The following MLLT10 variants were observed in gnomAD, a reference collection of about 807,000 sequenced individuals.
MLLT10 encodes MLLT10 histone lysine methyltransferase DOT1L cofactor, also known as protein AF-10.
Under a neutral mutation model 129.1 loss-of-function variants are expected in MLLT10, and 30 were observed. The ratio of observed to expected loss-of-function variants is 0.23; its 90% CI spans 0.17 to 0.32. The LOEUF is 0.32. Among genes scored for constraint, MLLT10 ranks in the 10% least tolerant of loss-of-function variants. The pLI is 1.00. For synonymous variants in MLLT10, 490 were observed against 446.4 expected, an observed-to-expected ratio of 1.10 and a Z score of -1.23; for missense variants, 1,119 against 1,268.3, an observed-to-expected ratio of 0.88 and a Z score of 1.79.
intron 21 of MLLT10, among the ~76,000 whole-genome samples, chr10:21,737,283 G>A (rs1025129857): frequency 1.3e-5 from 2 of 152,166 alleles, no homozygotes; most frequent in Admixed American, 6.5e-5. Flanking sequence ...AAGGAAATGG[G>A]AGGGAGAGGA....
chr10:21,685,120 T>A (rs2053170994), intron 13 of MLLT10, among the ~76,000 whole-genome samples: 1 of 152,194 alleles, frequency 6.6e-6, no homozygotes, highest in Non-Finnish European at 1.5e-5. Context: ...TTTTTTTGTT[T>A]TTGTGAAATA....
At chr10:21,617,305 A>G (rs1172969896) in intron 8 of MLLT10, 98 bp downstream of exon 8, 1 of 461,372 alleles carries the variant, frequency 2.2e-6, no homozygotes. Flanking sequence ...AGTTAAATGG[A>G]GACATTGAAA....
intron 21 of MLLT10, among the ~76,000 whole-genome samples, chr10:21,738,061 A>T (rs977117487): frequency 2.2e-4 from 33 of 152,098 alleles, no homozygotes; most frequent in African/African-American, 7.2e-4. Flanking sequence ...CGAGGTCAGG[A>T]GTTCGGGACA....
intron 20 of MLLT10, among the ~76,000 whole-genome samples, chr10:21,734,397 ATTTC>A: frequency 6.6e-6 from 1 of 152,230 alleles, no homozygotes; most frequent in Non-Finnish European, 1.5e-5. Flanking sequence ...AGTTTTTCTT[ATTTC>A]TTTGTATACT....
At chr10:21,544,798 T>C (rs1056971543) in intron 3 of MLLT10, among the ~76,000 whole-genome samples, 1 of 152,152 alleles carries the variant, frequency 6.6e-6, no homozygotes, top group African/African-American at 2.4e-5. Context: ...GGAGAGCAAG[T>C]GAAGACTAAA....
intron 5 of MLLT10, among the ~76,000 whole-genome samples, chr10:21,598,561 A>C (rs527650760): frequency 1.8e-4 from 27 of 152,246 alleles, no homozygotes; most frequent in Admixed American, 3.3e-4. Flanking sequence ...TATTTCTATA[A>C]ATTCACATCT....
rs1193208027 is a variant in MLLT10 at position 21,590,784 on chromosome 10, C to T, written c.295+4436C>T. On this transcript the variant is annotated intron_variant, in intron 4 of 22. Transcript: ENST00000307729. ...TTTGACCAGTCCAAATAGAATTGTT[C>T]AGTTTTATTGACCTTTTTAAAGAAA... 4.6e-5 allele frequency among the ~76,000 whole-genome samples: 7 copies of T among 151,830 alleles called. No individual in the cohort carries two copies. The East Asian group carries it at 1.2e-3, about 25-fold the overall frequency.
In MLLT10 at chr10:21,679,784, A is replaced by T. The variant is rs186270880; in HGVS notation, c.1622-1548A>T. Among the ~76,000 whole-genome samples, 24 of 152,322 alleles carry T rather than the reference A, an allele frequency of 1.6e-4. No individual in the cohort carries two copies. The East Asian group carries it at 4.2e-3, about 27-fold the overall frequency. ...AATACTTGCATTATATATACTTACCAGGTGAGCATCACTAATCTGAAAATC... is the reference window on the plus strand; with the variant it reads ...AATACTTGCATTATATATACTTACCTGGTGAGCATCACTAATCTGAAAATC... On this transcript the variant is annotated intron_variant, in intron 11 of 22. Transcript: ENST00000307729.
chr10:21,562,912 T>C (rs2039046768), intron 3 of MLLT10, among the ~76,000 whole-genome samples: 1 of 142,852 alleles, frequency 7.0e-6, no homozygotes, highest in Non-Finnish European at 1.5e-5. Context: ...CTCCGCCTCC[T>C]GGGTTCAAGG....
At chr10:21,729,168 G>A (rs1255417078) in intron 16 of MLLT10, among the ~76,000 whole-genome samples, 1 of 152,076 alleles carries the variant, frequency 6.6e-6, no homozygotes, top group East Asian at 1.9e-4. Flanking sequence ...TGACTAGTCT[G>A]TGATTTTATG....
At chr10:21,576,186 T>TGTAAC (rs1013631567) in intron 3 of MLLT10, among the ~76,000 whole-genome samples, 4 of 151,752 alleles carry the variant, frequency 2.6e-5, no homozygotes, top group African/African-American at 9.7e-5. Flanking sequence ...CGCCTTGGCA[T>TGTAAC]CCCAAAGTGC....
chr10:21,688,821 T>A (rs1272053313), intron 13 of MLLT10, among the ~76,000 whole-genome samples: 1 of 152,116 alleles, frequency 6.6e-6, no homozygotes, highest in African/African-American at 2.4e-5. Context: ...TAGGTCTGAT[T>A]TTGTGAAGAC....
At chr10:21,564,306 G>A (rs1346471148) in intron 3 of MLLT10, among the ~76,000 whole-genome samples, 5 of 152,094 alleles carry the variant, frequency 3.3e-5, no homozygotes, top group African/African-American at 1.2e-4. Flanking sequence ...GCTCAGGCTG[G>A]TTTTGAACTT....
chr10:21,552,037 CCACCTCAACCTCT>C (rs1162423644), intron 3 of MLLT10: 4 of 229,928 alleles, frequency 1.7e-5, no homozygotes, highest in Non-Finnish European at 3.5e-5. Flanking sequence ...GGTCATCCTC[CCACCTCAACCTCT>C]CAGGTAGCTG....
chr10:21,560,815 A>G (rs1263637880), intron 3 of MLLT10, among the ~76,000 whole-genome samples: 1 of 152,038 alleles, frequency 6.6e-6, no homozygotes, highest in Non-Finnish European at 1.5e-5. Flanking sequence ...TTTGATTTGC[A>G]TTTTCCCAGT....
intron 14 of MLLT10, among the ~76,000 whole-genome samples, chr10:21,725,861 C>T (rs1490912425): frequency 6.6e-6 from 1 of 151,536 alleles, no homozygotes; most frequent in Non-Finnish European, 1.5e-5. Flanking sequence ...CGCCATTCTC[C>T]TGCCTCAGCC....
At chr10:21,591,534 A>G (rs1475376351) in intron 4 of MLLT10, among the ~76,000 whole-genome samples, 3 of 152,108 alleles carry the variant, frequency 2.0e-5, no homozygotes, top group Non-Finnish European at 4.4e-5. Context: ...GCTGTATTTT[A>G]ATCAGTTTAA....
At chr10:21,645,751 C>T (rs1421654943) in intron 8 of MLLT10, among the ~76,000 whole-genome samples, 1 of 152,186 alleles carries the variant, frequency 6.6e-6, no homozygotes, top group Non-Finnish European at 1.5e-5. Flanking sequence ...AGATTACATA[C>T]GTACTCTTCA....
intron 14 of MLLT10, among the ~76,000 whole-genome samples, chr10:21,723,126 G>A (rs560667655): frequency 6.6e-6 from 1 of 152,104 alleles, no homozygotes; most frequent in South Asian, 2.1e-4. Flanking sequence ...TTTAAAAATA[G>A]ATACTTTCCT....
Sources: gnomAD v4.1 joint callset for allele counts (sites outside exome capture counted in the v4.1 genomes callset) on GRCh38, gnomAD v4.1.1 for gene constraint, MANE v1.5 for transcripts, NCBI Gene and HGNC (gene_info 2026-07-23, HGNC 2026-07-21) for gene names.